MROH1: variants seen among roughly 807,000 people sequenced by gnomAD.
MROH1 encodes the protein maestro heat-like repeat-containing protein family member 1.
In MROH1, 117 loss-of-function variants were observed where a neutral mutation model predicts 116.5. The ratio of observed to expected loss-of-function variants is 1.00; its 90% CI spans 0.86 to 1.17. The LOEUF is 1.17. Ranked by LOEUF, MROH1 falls within the 50% of genes most tolerant of loss-of-function variation. MROH1 has a pLI of 0.00. For synonymous variants in MROH1, 921 were observed against 583.9 expected (o/e 1.58, Z -8.32); for missense variants, 1,873 against 1,338.5 (o/e 1.40, Z -6.23).
intron 14 of MROH1, among the ~76,000 whole-genome samples, chr8:144,234,515 T>G (rs1424263801): frequency 5.9e-5 from 5 of 85,338 alleles, no homozygotes; most frequent in African/African-American, 1.7e-4. Flanking sequence ...TTTTTTTTTT[T>G]TTTTTTTTTT....
At chr8:144,244,168 T>A in intron 26 of MROH1, 54 bp from the exon 27 acceptor site, 1 of 711,706 alleles carries the variant, frequency 1.4e-6, no homozygotes, top group South Asian at 1.5e-5. Context: ...GGTTACTGGG[T>A]GTCTGAGTTT....
At chr8:144,150,408 A>G (rs1404507155) in intron 1 of MROH1, among the ~76,000 whole-genome samples, 1 of 152,054 alleles carries the variant, frequency 6.6e-6, no homozygotes, top group African/African-American at 2.4e-5. Context: ...TGACATCCCC[A>G]TTATATACAT....
At chr8:144,211,827 C>T (rs1470408657) in intron 12 of MROH1, among the ~76,000 whole-genome samples, 1 of 152,136 alleles carries the variant, frequency 6.6e-6, no homozygotes, top group Non-Finnish European at 1.5e-5. Context: ...CTATCACCCT[C>T]CAGAGGTGGT....
At chr8:144,219,785 G>T (rs1178275844) in intron 12 of MROH1, among the ~76,000 whole-genome samples, 1 of 152,202 alleles carries the variant, frequency 6.6e-6, no homozygotes, top group Non-Finnish European at 1.5e-5. Flanking sequence ...GAAACCGACA[G>T]TGAGAGACAA....
chr8:144,155,663 G>A (rs1817864700), intron 1 of MROH1, among the ~76,000 whole-genome samples: 1 of 129,508 alleles, frequency 7.7e-6, no homozygotes, highest in Non-Finnish European at 1.6e-5. Context: ...TTTTTGAGAT[G>A]GAGTCTTGCT....
chr8:144,217,166 A>G (rs1835452870), intron 12 of MROH1, among the ~76,000 whole-genome samples: 2 of 152,194 alleles, frequency 1.3e-5, no homozygotes, highest in Admixed American at 6.5e-5. Context: ...AAACGAAACA[A>G]AATGATTGCT....
At chr8:144,199,456 C>A (rs7460930) in intron 11 of MROH1, among the ~76,000 whole-genome samples, 24 of 152,248 alleles carry the variant, frequency 1.6e-4, no homozygotes, top group African/African-American at 5.5e-4. Context: ...CTCCACTCAC[C>A]GTCCAGTCTG....
chr8:144,212,080 G>GTTTGTTTA (rs1834236219), intron 12 of MROH1, among the ~76,000 whole-genome samples: 1 of 151,574 alleles, frequency 6.6e-6, no homozygotes, highest in Non-Finnish European at 1.5e-5. Context: ...TTGTTTTTTT[G>GTTTGTTTA]TTTGTTTGTT....
chr8:144,249,984 G>A (rs1842581390), intron 32 of MROH1, among the ~76,000 whole-genome samples: 1 of 152,202 alleles, frequency 6.6e-6, no homozygotes, highest in Non-Finnish European at 1.5e-5. Context: ...TACCTCCCGG[G>A]GCACTGGCCA....
chr8:144,202,902 G>C (rs1181784981), intron 12 of MROH1, among the ~76,000 whole-genome samples: 2 of 86,282 alleles, frequency 2.3e-5, no homozygotes, highest in Admixed American at 1.2e-4. Flanking sequence ...AGGAAGCGCG[G>C]GCTCTCTGTG....
intron 1 of MROH1, among the ~76,000 whole-genome samples, chr8:144,150,358 T>C (rs1816412371): frequency 6.6e-6 from 1 of 152,254 alleles, no homozygotes; most frequent in Non-Finnish European, 1.5e-5. Flanking sequence ...TGCTTTTTGT[T>C]AATTTAACCA....
intron 21 of MROH1, 108 bp from the exon 22 acceptor site, chr8:144,241,287 T>C (rs1388992093): frequency 1.4e-6 from 1 of 698,660 alleles, no homozygotes; most frequent in East Asian, 2.7e-5. Context: ...TGTGCAAGTG[T>C]GCGCATGTGT....
At chr8:144,188,879 G>A (rs919400127) in intron 7 of MROH1, among the ~76,000 whole-genome samples, 1 of 152,118 alleles carries the variant, frequency 6.6e-6, no homozygotes, top group Non-Finnish European at 1.5e-5. Context: ...GCACCTCTGA[G>A]CTGCCTTTTA....
intron 33 of MROH1, chr8:144,250,832 G>T (rs1842736239): frequency 8.9e-6 from 3 of 335,538 alleles, no homozygotes; most frequent in South Asian, 7.2e-5. Flanking sequence ...GGACAACCTT[G>T]TCTGTACCAT....
intron 7 of MROH1, among the ~76,000 whole-genome samples, chr8:144,187,426 A>G (rs1337539201): frequency 2.6e-5 from 4 of 152,284 alleles, no homozygotes; most frequent in Non-Finnish European, 5.9e-5. Context: ...AAGAAAAAAA[A>G]CCAAAATCCT....
chr8:144,168,964 G>A (rs1245055517), intron 4 of MROH1, among the ~76,000 whole-genome samples: 1 of 152,238 alleles, frequency 6.6e-6, no homozygotes, highest in East Asian at 1.9e-4. Flanking sequence ...AGCTACAAGA[G>A]CCTCTTGGGA....
Position 144,245,163 on chromosome 8 carries a change from G to C in MROH1, c.2774G>C (p.Ser925Thr), listed in dbSNP as rs1230351330. The stretch of plus-strand genomic sequence containing the variant: ...GACGCCCCTCTTCCTCAGCACCTGA[G>C]CCCATGGATCAAGTCCCCAAGAGGT... The part of the protein sequence containing the change: ...QGLQIMIEHL[S>T]PWIKSPRGHE... Residue 925 changes from serine (S) to threonine (T), a missense_variant, in exon 29 of 44, where the codon AGC becomes ACC. Physicochemically the swap from Ser to Thr is moderately conservative, Grantham distance 58 (BLOSUM62 1). Coordinates refer to ENST00000326134, the MANE Select transcript of MROH1 (RefSeq NM_032450.3). 2 of 779,136 alleles carry C rather than the reference G, an allele frequency of 2.6e-6. No homozygotes were observed. Among genetic ancestry groups the C allele is most frequent in the African/African-American group, 1.7e-5 (1 of 59,226 alleles). 48.3% of individuals were successfully genotyped at this position (779,136 alleles called of 1,614,324 possible).
intron 7 of MROH1, among the ~76,000 whole-genome samples, chr8:144,189,071 T>C (rs1460318884): frequency 6.6e-6 from 1 of 152,218 alleles, no homozygotes; most frequent in Non-Finnish European, 1.5e-5. Flanking sequence ...AAAGTAATTG[T>C]TTGAAAATAC....
intron 10 of MROH1, 61 bp downstream of exon 10, chr8:144,192,462 T>C: frequency 1.4e-6 from 2 of 1,450,206 alleles, no homozygotes; most frequent in Non-Finnish European, 9.4e-7. Context: ...GGGAAGTTGC[T>C]GGACAAGGGG....
Sources: gnomAD v4.1 joint callset for allele counts (sites outside exome capture counted in the v4.1 genomes callset) on GRCh38, gnomAD v4.1.1 for gene constraint, MANE v1.5 for transcripts, NCBI Gene and HGNC (gene_info 2026-07-23, HGNC 2026-07-21) for gene names.